The following LRRC4C variants were observed in gnomAD, a reference collection of about 807,000 sequenced individuals.
LRRC4C encodes the protein leucine rich repeat containing 4C.
Under a neutral mutation model 33.6 loss-of-function variants are expected in LRRC4C, and 5 were observed. The observed-to-expected ratio is 0.15, with a 90% confidence interval of 0.08 to 0.31. LRRC4C has a LOEUF of 0.31. Ranked by LOEUF, LRRC4C falls within the 10% of genes least tolerant of loss-of-function variation. LRRC4C has a pLI of 1.00. For synonymous variants in LRRC4C, 329 were observed against 302.0 expected, an observed-to-expected ratio of 1.09 and a Z score of -0.93; for missense variants, 560 against 796.7, an observed-to-expected ratio of 0.70 and a Z score of 3.58.
At chr11:40,938,177 G>A (rs190449611) in intron 1 of LRRC4C, among the ~76,000 whole-genome samples, 2 of 152,290 alleles carry the variant, frequency 1.3e-5, no homozygotes, top group Admixed American at 6.5e-5. Context: ...TGAATGAACA[G>A]GCGCAGGTCT....
At chr11:41,154,564 A>G (rs1944142451) in intron 1 of LRRC4C, among the ~76,000 whole-genome samples, 1 of 152,186 alleles carries the variant, frequency 6.6e-6, no homozygotes, top group Non-Finnish European at 1.5e-5. Context: ...AAGTTTTTCA[A>G]AGATTTTGCA....
At chr11:41,166,536 C>T in intron 1 of LRRC4C, among the ~76,000 whole-genome samples, 1 of 152,088 alleles carries the variant, frequency 6.6e-6, no homozygotes, top group Non-Finnish European at 1.5e-5. Flanking sequence ...TTGACAAATT[C>T]ACTAACTCAA....
At chr11:40,637,856 C>T (rs1034642545) in intron 3 of LRRC4C, among the ~76,000 whole-genome samples, 2 of 152,150 alleles carry the variant, frequency 1.3e-5, no homozygotes, top group Non-Finnish European at 1.5e-5. Context: ...GATCTAGCAC[C>T]TTATTCCAGT....
At chr11:41,391,710 C>T (rs1417220548) in intron 1 of LRRC4C, among the ~76,000 whole-genome samples, 1 of 151,840 alleles carries the variant, frequency 6.6e-6, no homozygotes, top group Non-Finnish European at 1.5e-5. Flanking sequence ...ATTTCCTTTC[C>T]CTCAAGTTCC....
intron 4 of LRRC4C, among the ~76,000 whole-genome samples, chr11:40,251,489 C>A (rs1481435700): frequency 6.6e-6 from 1 of 152,138 alleles, no homozygotes; most frequent in Non-Finnish European, 1.5e-5. Flanking sequence ...CAAGCCTCCA[C>A]ATTTCCTGAC....
intron 3 of LRRC4C, among the ~76,000 whole-genome samples, chr11:40,637,023 T>TCCC (rs1941793437): frequency 1.3e-5 from 2 of 152,190 alleles, no homozygotes; most frequent in Non-Finnish European, 2.9e-5. Context: ...CAACTGATTT[T>TCCC]AGCATCTGGG....
At chr11:40,257,913 C>T (rs1237317200) in intron 4 of LRRC4C, among the ~76,000 whole-genome samples, 1 of 152,164 alleles carries the variant, frequency 6.6e-6, no homozygotes, top group African/African-American at 2.4e-5. Flanking sequence ...AATAAATTTA[C>T]TTACTTTAAA....
At chr11:41,004,437 C>T (rs1413138383) in intron 1 of LRRC4C, among the ~76,000 whole-genome samples, 6 of 152,054 alleles carry the variant, frequency 3.9e-5, no homozygotes, top group Admixed American at 6.6e-5. Context: ...GCCAGAGATA[C>T]ATGAGAAAGG....
rs565180171 is a variant in LRRC4C at position 40,231,760 on chromosome 11, C to T, written c.-96+9759G>A. ...CTGGTTGTGTGTGTATACACACATA[C>T]ATATTTAATATTTACACAGTTTATA... On this transcript the variant is annotated intron_variant, in intron 5 of 6. Coordinates refer to ENST00000528697, the MANE Select transcript of LRRC4C (RefSeq NM_001258419.2). Among the ~76,000 whole-genome samples, 6 of 152,300 alleles carry T rather than the reference C, an allele frequency of 3.9e-5. No individual in the cohort carries two copies. In the South Asian group the frequency reaches 1.2e-3, roughly 32 times the overall value.
chr11:40,874,807 G>A (rs549880034), intron 2 of LRRC4C, among the ~76,000 whole-genome samples: 2 of 152,252 alleles, frequency 1.3e-5, no homozygotes, highest in Admixed American at 6.5e-5. Context: ...ATAGTACCAC[G>A]TCTCTGTAGG....
intron 3 of LRRC4C, among the ~76,000 whole-genome samples, chr11:40,638,479 A>G (rs944819418): frequency 6.6e-6 from 1 of 152,212 alleles, no homozygotes; most frequent in Non-Finnish European, 1.5e-5. Flanking sequence ...TGCCTCATCT[A>G]TAAAATAGAA....
chr11:40,438,651 T>G (rs551196258), intron 3 of LRRC4C, among the ~76,000 whole-genome samples: 60 of 152,320 alleles, frequency 3.9e-4, no homozygotes, highest in African/African-American at 1.4e-3. Context: ...ATATATTCTT[T>G]GTGTGCTACA....
chr11:40,525,868 G>T (rs1956027240), intron 3 of LRRC4C, among the ~76,000 whole-genome samples: 1 of 152,040 alleles, frequency 6.6e-6, no homozygotes, highest in Non-Finnish European at 1.5e-5. Flanking sequence ...AAGACAAGGT[G>T]GTATTGGTCG....
chr11:41,284,407 A>G (rs946928946), intron 1 of LRRC4C, among the ~76,000 whole-genome samples: 4 of 151,978 alleles, frequency 2.6e-5, no homozygotes, highest in Non-Finnish European at 4.4e-5. Context: ...TTACAATTAT[A>G]TTTTTTTCTA....
intron 5 of LRRC4C, among the ~76,000 whole-genome samples, chr11:40,155,530 C>T (rs1174835577): frequency 6.6e-6 from 1 of 152,052 alleles, no homozygotes; most frequent in Non-Finnish European, 1.5e-5. Context: ...GATATTACAA[C>T]TGACACCACT....
intron 2 of LRRC4C, among the ~76,000 whole-genome samples, chr11:40,702,537 T>A (rs1451383154): frequency 6.6e-6 from 1 of 152,168 alleles, no homozygotes; most frequent in Non-Finnish European, 1.5e-5. Flanking sequence ...CCATTAAGAT[T>A]AGAACAAGTC....
At chr11:40,447,206 C>T (rs1395291041) in intron 3 of LRRC4C, 2 of 155,394 alleles carry the variant, frequency 1.3e-5, no homozygotes, top group African/African-American at 2.4e-5. Flanking sequence ...TGCTTCCTCC[C>T]CATGGACTCA....
At chr11:40,818,025 C>T (rs930243884) in intron 2 of LRRC4C, among the ~76,000 whole-genome samples, 1 of 151,988 alleles carries the variant, frequency 6.6e-6, no homozygotes, top group Non-Finnish European at 1.5e-5. Flanking sequence ...ATGAAAAGCT[C>T]TTTATTGAGT....
chr11:41,457,181 T>C (rs2138697620), intron 1 of LRRC4C, among the ~76,000 whole-genome samples: 1 of 152,270 alleles, frequency 6.6e-6, no homozygotes, highest in East Asian at 1.9e-4. Flanking sequence ...CATCTAAATA[T>C]ACCAGTATTT....
Sources: gnomAD v4.1 joint callset for allele counts (sites outside exome capture counted in the v4.1 genomes callset) on GRCh38, gnomAD v4.1.1 for gene constraint, MANE v1.5 for transcripts, NCBI Gene and HGNC (gene_info 2026-07-23, HGNC 2026-07-21) for gene names.